NOTCH4: variants seen among roughly 807,000 people sequenced by gnomAD.
NOTCH4 encodes the protein notch receptor 4.
NOTCH4 carries 138 observed loss-of-function variants against 189.0 expected under a neutral mutation model. The ratio of observed to expected loss-of-function variants is 0.73; its 90% confidence interval spans 0.64 to 0.84. The LOEUF is 0.84. NOTCH4 is among the 40% of genes least tolerant of loss of function. The pLI, the probability that NOTCH4 is intolerant of heterozygous loss-of-function variation, is 0.00. For missense variants in NOTCH4, 2,286 were observed against 2,605.4 expected (o/e 0.88, Z 2.67); for synonymous variants, 942 against 1,032.8 (o/e 0.91, Z 1.69).
In NOTCH4 at chr6:32,220,783, T is replaced by C; in HGVS notation, c.895A>G (p.Thr299Ala). ...GTCQDGLDTY[T>A]CLCPETWTGW... ...GTCCAGGTTTCTGGGCAGAGGCAGG[T>C]GTAGGTGTCCAGCCCATCCTGGCAA... is the stretch of plus-strand genomic sequence containing the variant. Residue 299 changes from threonine to alanine, a missense_variant, in exon 5 of 30, where the codon ACC (threonine) becomes GCC (alanine). Physicochemically the swap from Thr to Ala is moderately conservative, Grantham distance 58. Around this residue, in one of 2 missense-constraint regions of NOTCH4, gnomAD observed 1,903 missense variants for 2,261.9 expected, o/e 0.84. Coordinates refer to ENST00000375023, the MANE Select transcript of NOTCH4 (RefSeq NM_004557.4). 1 of 1,613,212 alleles carries C rather than the reference T, an allele frequency of 6.2e-7. No individual in the cohort carries two copies. Among genetic ancestry groups the C allele is most frequent in the Non-Finnish European group, 8.5e-7 (1 of 1,179,786 alleles).
Position 32,217,879 on chromosome 6 carries a change from G to T in NOTCH4, c.1624+116C>A. The T allele has an allele frequency of 1.5e-6, 1 of 669,266 alleles. No individual in the cohort carries two copies. 41.5% of individuals were successfully genotyped at this position (669,266 alleles called of 1,614,324 possible). On this transcript the variant is annotated intron_variant, in intron 9 of 29. Coordinates refer to ENST00000375023, the MANE Select transcript of NOTCH4 (RefSeq NM_004557.4). This position sits in a 1 kb window ranked among gnomAD's most constrained non-coding sequence, Gnocchi z 4.2. ...TTGGGGAGCAAAGACAGATTTGGAG[G>T]ACTCCTTGGCTTGGCTAGAGAGAGC... is the stretch of plus-strand genomic sequence containing the variant.
In NOTCH4 at chr6:32,197,591, C is replaced by T. The variant is rs750952908; in HGVS notation, c.4760G>A (p.Gly1587Glu). The change falls in exon 27 of 30, where the codon GGG (glycine) becomes GAG (glutamate). Residue 1587 changes from glycine (G) to glutamate (E), a missense_variant. This residue lies in a region of NOTCH4 where 1,903 missense variants were observed against 2,261.9 expected (regional missense o/e 0.84). Coordinates refer to ENST00000375023, the MANE Select transcript of NOTCH4 (RefSeq NM_004557.4). ...AACTGCTGACATCAGGGGTGTCACC[C>T]CATCTGTTGGTAAGACAGAGTAATG... Reference protein sequence around the residue: ...APDLDTRGPDGVTPLMSAVCC... With the variant: ...APDLDTRGPDEVTPLMSAVCC... The T allele has an allele frequency of 6.2e-7, 1 of 1,608,950 alleles. No individual in the cohort carries two copies. Among genetic ancestry groups the T allele is most frequent in the South Asian group, 1.1e-5 (1 of 90,432 alleles).
chr6:32,201,368 G>A lies in NOTCH4; in HGVS notation c.3888C>T (p.Ser1296=), dbSNP rs8192574. The change falls in exon 22 of 30, where the codon TCC becomes TCT. Residue 1296 remains serine, a synonymous_variant. Transcript: ENST00000375023. The surrounding 1 kb of genome is among the most constrained non-coding windows in gnomAD (Gnocchi z 5.5). The stretch of plus-strand genomic sequence containing the variant: ...GGCTCAGTACCACCAGCAGGGCCAG[G>A]GAGGGCCCCCACTCTGGGTCCCCAT... ...PEDGDPEWGP[S]LALLVVLSPP... 0.041 allele frequency: 65,492 copies of A among 1,599,066 alleles called. 1,818 individuals carry two copies. Among genetic ancestry groups the A allele is most frequent in the Non-Finnish European group, 0.052 (60,498 of 1,172,262 alleles).
In NOTCH4 at chr6:32,220,294, T is replaced by A. The variant is rs1789669178; in HGVS notation, c.1160-10A>T. ...AAGTGGCACAGGAGTCCTGGAGGGG[T>A]AAGAGGGGGTGAGGCTCTCAAAGGC... is the stretch of plus-strand genomic sequence containing the variant. On this transcript the variant is annotated splice_polypyrimidine_tract_variant and intron_variant, in intron 6 of 29. Transcript: ENST00000375023. 6.2e-7 allele frequency: 1 copy of A among 1,610,680 alleles called. No individual in the cohort carries two copies. Among genetic ancestry groups the A allele is most frequent in the Admixed American group, 1.7e-5 (1 of 59,664 alleles).
At chr6:32,205,941 G>A (rs962009425) in intron 18 of NOTCH4, among the ~76,000 whole-genome samples, 1 of 152,038 alleles carries the variant, frequency 6.6e-6, no homozygotes, top group Admixed American at 6.5e-5. Flanking sequence ...GGAGGCTGAG[G>A]CAGGTGAATT....
In NOTCH4 at chr6:32,198,720, G is replaced by T; in HGVS notation, c.4546C>A (p.Pro1516Thr). Residue 1516 changes from proline (P) to threonine (T), a missense_variant, in exon 25 of 30, where the codon CCA becomes ACA. Physicochemically the swap from Pro to Thr is conservative, Grantham distance 38. Transcript: ENST00000375023. The surrounding 1 kb of genome is among the most constrained non-coding windows in gnomAD (Gnocchi z 5.5). ...CCATCCTCATCAACTTCTGCCTTTG[G>T]CTTCAGTGCCCTGGAAAGGAATGGG... Reference protein sequence around the residue: ...EDSIGLKALKPKAEVDEDGVV... With the variant: ...EDSIGLKALKTKAEVDEDGVV... 6.2e-7 allele frequency: 1 copy of T among 1,611,404 alleles called. No homozygotes were observed. Among genetic ancestry groups the T allele is most frequent in the Non-Finnish European group, 8.5e-7 (1 of 1,179,240 alleles).
Position 32,217,858 on chromosome 6 carries a change from G to T in NOTCH4, c.1624+137C>A. ...GGGGATGTAAGAGTAGAGATTTTGG[G>T]GAGCAAAGACAGATTTGGAGGACTC... On this transcript the variant is annotated intron_variant, in intron 9 of 29. Transcript: ENST00000375023. The surrounding 1 kb of genome is among the most constrained non-coding windows in gnomAD (Gnocchi z 4.2). 4.8e-6 allele frequency: 3 copies of T among 629,882 alleles called. No homozygotes were observed. Among genetic ancestry groups the T allele is most frequent in the Non-Finnish European group, 8.6e-6 (3 of 346,984 alleles). The allele number at this position is 629,882 out of a possible 1,614,324, so 39.0% of individuals were successfully genotyped here.
chr6:32,222,923 T>C, intron 2 of NOTCH4, 82 bp downstream of exon 2: 2 of 1,547,758 alleles, frequency 1.3e-6, no homozygotes, highest in Non-Finnish European at 1.8e-6. Flanking sequence ...TCTTTCTTCT[T>C]TGGTCTCACT....
Position 32,199,053 on chromosome 6 carries a change from G to C in NOTCH4, c.4408C>G (p.Leu1470Val). ...LALGALLVLQ[L>V]IRRRRREHGA... The stretch of plus-strand genomic sequence containing the variant: ...TGCTCTCGGCGTCGACGCCGGATGA[G>C]CTGGAGGACGAGAAGAGCCCCTAGG... The change falls in exon 24 of 30, where the codon CTC (leucine) becomes GTC (valine). Residue 1470 changes from leucine to valine, a missense_variant. Physicochemically the swap from Leu to Val is conservative, Grantham distance 32. Coordinates refer to ENST00000375023, the MANE Select transcript of NOTCH4 (RefSeq NM_004557.4). This position sits in a 1 kb window ranked among gnomAD's most constrained non-coding sequence, Gnocchi z 4.9. 1.2e-6 allele frequency: 2 copies of C among 1,612,934 alleles called. No individual in the cohort carries two copies. The highest frequency in any genetic ancestry group is 8.5e-7 in the Non-Finnish European group (1 of 1,179,928).
In NOTCH4 at chr6:32,197,198, A is replaced by G; in HGVS notation, c.5052+101T>C. The G allele has an allele frequency of 2.0e-6, 3 of 1,515,874 alleles. No homozygotes were observed. In the East Asian group the frequency reaches 6.8e-5, roughly 34 times the overall value. The allele number at this position is 1,515,874 out of a possible 1,614,324, so 93.9% of individuals were successfully genotyped here. ...CCGCAGTTTCCCTGTCAGGTTCCCA[A>G]TCACACCAATTTCCTCCTTGTCAAA... On this transcript the variant is annotated intron_variant, in intron 27 of 29. Transcript: ENST00000375023.
intron 20 of NOTCH4, chr6:32,203,060 C>T (rs151002670): frequency 0.033 from 5,060 of 152,872 alleles, 104 homozygotes; most frequent in Non-Finnish European, 0.043. Context: ...CATGCACCAC[C>T]ACGCCCAGCT....
At position 32,221,184 on chromosome 6, in the gene NOTCH4, C is replaced by A. The variant is rs1397220953; in HGVS notation, c.593G>T (p.Cys198Phe). Residue 198 changes from cysteine (C) to phenylalanine (F), a missense_variant, in exon 4 of 30, where the codon TGC (cysteine) becomes TTC (phenylalanine). Cys to Phe is a radical substitution (Grantham distance 205, BLOSUM62 -2). Transcript: ENST00000375023. The surrounding 1 kb of genome is among the most constrained non-coding windows in gnomAD (Gnocchi z 4.3). ...GGGGCAGGGTCCTGGGTCCTGGAAG[C>A]ACTCGTTGACATCACGTTCACAGGC... ...GHACERDVNE[C>F]FQDPGPCPKG... 6.2e-7 allele frequency: 1 copy of A among 1,612,990 alleles called. No individual in the cohort carries two copies. Among genetic ancestry groups the A allele is most frequent in the African/African-American group, 1.3e-5 (1 of 74,952 alleles).
chr6:32,219,095 A>G (rs2256594), intron 8 of NOTCH4, among the ~76,000 whole-genome samples: 30,667 of 151,980 alleles, frequency 0.2, 3,499 homozygotes, highest in East Asian at 0.37. Flanking sequence ...CCCCCTTAAA[A>G]CTAGCCTGGA....
In NOTCH4 at chr6:32,221,151, G is replaced by T. The variant is rs781094695; in HGVS notation, c.626C>A (p.Thr209Asn). The T allele has an allele frequency of 2.5e-6, 4 of 1,613,112 alleles. No individual in the cohort carries two copies. In the South Asian group the frequency reaches 4.4e-5, roughly 18 times the overall value. The change falls in exon 4 of 30, where the codon ACC (threonine) becomes AAC (asparagine). Residue 209 changes from threonine to asparagine, a missense_variant. Coordinates refer to ENST00000375023, the MANE Select transcript of NOTCH4 (RefSeq NM_004557.4). This position sits in a 1 kb window ranked among gnomAD's most constrained non-coding sequence, Gnocchi z 4.3. ...FQDPGPCPKGTSCHNTLGSFQ... is the reference protein window; with the variant it reads ...FQDPGPCPKGNSCHNTLGSFQ... Reference sequence around the variant, plus strand: ...GGAGCCCAGGGTGTTATGGCAGGAGGTGCCTTTGGGGCAGGGTCCTGGGTC... The same window carrying T: ...GGAGCCCAGGGTGTTATGGCAGGAGTTGCCTTTGGGGCAGGGTCCTGGGTC...
At position 32,199,585 on chromosome 6, in the gene NOTCH4, T is replaced by C. The variant is rs1788208610; in HGVS notation, c.4316-440A>G. The stretch of plus-strand genomic sequence containing the variant: ...CAGGTGTGGTGGCGGGCACCTGTAG[T>C]CCCAGCTACTTGGGAGGCTGAGGCA... On this transcript the variant is annotated intron_variant, in intron 23 of 29. Transcript: ENST00000375023. This position sits in a 1 kb window ranked among gnomAD's most constrained non-coding sequence, Gnocchi z 4.9. 6.6e-6 allele frequency among the ~76,000 whole-genome samples: 1 copy of C among 152,094 alleles called. No individual in the cohort carries two copies. The highest frequency in any genetic ancestry group is 2.4e-5 in the African/African-American group (1 of 41,400).
chr6:32,217,987 G>C lies in NOTCH4; in HGVS notation c.1624+8C>G, dbSNP rs1247301500. ...TCTGAGGGTGGCCAGAGAGGCATCT[G>C]TACTCACCAGGCAGGCAGATGCACT... On this transcript the variant is annotated splice_region_variant and intron_variant, in intron 9 of 29. Transcript: ENST00000375023. This position sits in a 1 kb window ranked among gnomAD's most constrained non-coding sequence, Gnocchi z 4.2. The C allele has an allele frequency of 6.3e-7, 1 of 1,592,868 alleles. No homozygotes were observed. Among genetic ancestry groups the C allele is most frequent in the Non-Finnish European group, 8.6e-7 (1 of 1,161,124 alleles).
In NOTCH4 at chr6:32,197,060, T is replaced by G; in HGVS notation, c.5065A>C (p.Ser1689Arg). The G allele has an allele frequency of 6.2e-7, 1 of 1,612,642 alleles. No homozygotes were observed. Among genetic ancestry groups the G allele is most frequent in the South Asian group, 1.1e-5 (1 of 91,076 alleles). Reference protein sequence around the residue: ...AREVCQLLLRSRQTAVDARTE... With the variant: ...AREVCQLLLRRRQTAVDARTE... Reference sequence around the variant, plus strand: ...CGAGCGTCCACTGCAGTTTGTCTGCTACGGAGCAGAAGCTGGGGAGACAGA... The same window carrying G: ...CGAGCGTCCACTGCAGTTTGTCTGCGACGGAGCAGAAGCTGGGGAGACAGA... The change falls in exon 28 of 30, where the codon AGC becomes CGC. Residue 1689 changes from serine (S) to arginine (R), a missense_variant. Transcript: ENST00000375023.
Position 32,200,760 on chromosome 6 carries a change from C to T in NOTCH4, c.4315+71G>A. 1 of 1,303,856 alleles carries T rather than the reference C, an allele frequency of 7.7e-7. No individual in the cohort carries two copies. The highest frequency in any genetic ancestry group is 1.0e-6 in the Non-Finnish European group (1 of 956,486). The allele number at this position is 1,303,856 out of a possible 1,614,324, so 80.8% of individuals were successfully genotyped here. ...TCAGCTGTCCTGTTTGATTCAGCCT[C>T]CATTGCCTGTTGCTAGCATGAGAGC... is the stretch of plus-strand genomic sequence containing the variant. On this transcript the variant is annotated intron_variant, in intron 23 of 29. Transcript: ENST00000375023. The surrounding 1 kb of genome is among the most constrained non-coding windows in gnomAD (Gnocchi z 5.0).
chr6:32,220,697 G>A, intron 5 of NOTCH4, 56 bp from the exon 6 acceptor site: 1 of 1,612,722 alleles, frequency 6.2e-7, no homozygotes, highest in Middle Eastern at 1.7e-4. Flanking sequence ...ATGAGTAGGG[G>A]AGGCCAGGGG....
Sources: allele counts gnomAD v4.1 joint callset (sites outside exome capture counted in the v4.1 genomes callset), GRCh38; gene constraint gnomAD v4.1.1; regional missense constraint gnomAD v4.1.1; non-coding constraint Gnocchi (gnomAD v3.1); transcripts MANE v1.5; gene names NCBI Gene and HGNC (gene_info 2026-07-23, HGNC 2026-07-21).